The following SUGCT variants were observed in gnomAD, a reference collection of about 807,000 sequenced individuals.
The protein encoded by SUGCT is succinyl-CoA:glutarate CoA-transferase.
In SUGCT, 41 loss-of-function variants were observed where a neutral mutation model predicts 55.0. The ratio of observed to expected loss-of-function variants is 0.74; its 90% confidence interval spans 0.58 to 0.97. The LOEUF (loss-of-function observed/expected upper bound fraction) is 0.97. Among genes scored for constraint, SUGCT ranks in the 50% least tolerant of loss-of-function variants. SUGCT has a pLI of 0.00. For synonymous variants in SUGCT, 187 were observed against 200.4 expected, an observed-to-expected ratio of 0.93 and a Z score of 0.56; for missense variants, 568 against 547.8, an observed-to-expected ratio of 1.04 and a Z score of -0.37.
At chr7:40,639,596 C>T (rs1422554785) in intron 12 of SUGCT, among the ~76,000 whole-genome samples, 1 of 150,658 alleles carries the variant, frequency 6.6e-6, no homozygotes, top group Non-Finnish European at 1.5e-5. Flanking sequence ...CTCATTGCAA[C>T]CTCCACTTCG....
chr7:41,005,924 A>G, the SUGCT span, among the ~76,000 whole-genome samples: 1 of 152,192 alleles, frequency 6.6e-6, no homozygotes, highest in Non-Finnish European at 1.5e-5. Context: ...TGTATCCCAG[A>G]CTGCAACGTT....
chr7:40,877,232 TAAAC>T, the SUGCT span, among the ~76,000 whole-genome samples: 1 of 152,188 alleles, frequency 6.6e-6, no homozygotes, highest in Non-Finnish European at 1.5e-5. Context: ...TAAAATGTAA[TAAAC>T]AATTTAGCAA....
chr7:40,368,830 G>A (rs1013477477), intron 9 of SUGCT, among the ~76,000 whole-genome samples: 4 of 152,126 alleles, frequency 2.6e-5, no homozygotes, highest in African/African-American at 9.7e-5. Context: ...TTGGCTGGGT[G>A]TGGTGGCTGA....
chr7:40,533,096 A>G (rs2151599091), intron 12 of SUGCT, among the ~76,000 whole-genome samples: 1 of 152,334 alleles, frequency 6.6e-6, no homozygotes, highest in South Asian at 2.1e-4. Context: ...ATGCCCTGTA[A>G]TAGCCATGAA....
chr7:40,913,637 C>T, the SUGCT span, among the ~76,000 whole-genome samples: 1 of 152,176 alleles, frequency 6.6e-6, no homozygotes, highest in Admixed American at 6.5e-5. Context: ...TTGTTCTCCC[C>T]ATTCACTATT....
intron 12 of SUGCT, among the ~76,000 whole-genome samples, chr7:40,698,321 G>A (rs1785027786): frequency 6.6e-6 from 1 of 152,240 alleles, no homozygotes; most frequent in Non-Finnish European, 1.5e-5. Flanking sequence ...GCCAGACTTA[G>A]TGGCCCAAAG....
chr7:40,138,618 G>A (rs777665451), intron 1 of SUGCT, among the ~76,000 whole-genome samples: 1 of 151,904 alleles, frequency 6.6e-6, no homozygotes, highest in East Asian at 1.9e-4. Context: ...CACCAACAGT[G>A]TATAAGAAGA....
intron 7 of SUGCT, among the ~76,000 whole-genome samples, chr7:40,244,850 G>C (rs1789710751): frequency 6.6e-6 from 1 of 152,132 alleles, no homozygotes; most frequent in East Asian, 1.9e-4. Flanking sequence ...GAGAGAGCAG[G>C]AAGGTCCTCT....
chr7:40,745,334 C>T (rs542745960), intron 12 of SUGCT, among the ~76,000 whole-genome samples: 1 of 152,094 alleles, frequency 6.6e-6, no homozygotes, highest in South Asian at 2.1e-4. Flanking sequence ...TTATTTTTTG[C>T]ATTTTTTGTC....
the SUGCT span, among the ~76,000 whole-genome samples, chr7:41,035,464 T>C: frequency 6.6e-6 from 1 of 152,162 alleles, no homozygotes; most frequent in South Asian, 2.1e-4. Context: ...GTTTCCATCA[T>C]GCTCTCAAAG....
At chr7:40,337,417 T>A (rs1796776327) in intron 9 of SUGCT, among the ~76,000 whole-genome samples, 1 of 152,248 alleles carries the variant, frequency 6.6e-6, no homozygotes, top group African/African-American at 2.4e-5. Context: ...ACTTGTTTTA[T>A]GAATCTGGGT....
At chr7:40,373,455 A>G (rs1279843851) in intron 9 of SUGCT, among the ~76,000 whole-genome samples, 1 of 151,634 alleles carries the variant, frequency 6.6e-6, no homozygotes, top group Non-Finnish European at 1.5e-5. Context: ...TAAGATTTAG[A>G]AAAATGAATT....
intron 9 of SUGCT, among the ~76,000 whole-genome samples, chr7:40,432,893 T>TTC (rs368701823): frequency 3.3e-5 from 5 of 150,934 alleles, no homozygotes; most frequent in Non-Finnish European, 7.4e-5. Context: ...ACTTTATCCT[T>TTC]TCTCTCTCTC....
intron 13 of SUGCT, among the ~76,000 whole-genome samples, chr7:40,819,207 G>A (rs540477073): frequency 2.0e-5 from 3 of 152,082 alleles, no homozygotes; most frequent in Admixed American, 6.5e-5. Context: ...GAATAGTGCC[G>A]CAATAAACAT....
At chr7:40,306,946 C>T (rs1263813989) in intron 8 of SUGCT, among the ~76,000 whole-genome samples, 3 of 152,144 alleles carry the variant, frequency 2.0e-5, no homozygotes, top group African/African-American at 4.8e-5. Flanking sequence ...GATTTTGATT[C>T]ATATGGATTG....
chr7:40,976,189 G>A, the SUGCT span, among the ~76,000 whole-genome samples: 1 of 152,226 alleles, frequency 6.6e-6, no homozygotes, highest in Non-Finnish European at 1.5e-5. Context: ...TACTCTTGGA[G>A]GAGGTGAGTG....
chr7:40,291,280 A>T (rs961105945), intron 8 of SUGCT, among the ~76,000 whole-genome samples: 1 of 151,952 alleles, frequency 6.6e-6, no homozygotes, highest in East Asian at 1.9e-4. Context: ...GATAGACTGG[A>T]TTAAGAAAAT....
At chr7:40,443,303 C>T (rs1000239309) in intron 9 of SUGCT, among the ~76,000 whole-genome samples, 1 of 152,210 alleles carries the variant, frequency 6.6e-6, no homozygotes, top group African/African-American at 2.4e-5. Context: ...ACCACCCTGT[C>T]TTCCACAATG....
intron 1 of SUGCT, among the ~76,000 whole-genome samples, chr7:40,137,099 T>C (rs1306478987): frequency 2.0e-5 from 3 of 151,924 alleles, no homozygotes; most frequent in Non-Finnish European, 4.4e-5. Context: ...GGCAGAAAAG[T>C]GAGAGTGGTG....
Sources: gnomAD v4.1 joint callset for allele counts (sites outside exome capture counted in the v4.1 genomes callset) on GRCh38, gnomAD v4.1.1 for gene constraint, MANE v1.5 for transcripts, NCBI Gene and HGNC (gene_info 2026-07-23, HGNC 2026-07-21) for gene names.